Variants in NCOA6 observed in about 807,000 individuals in gnomAD.
NCOA6 encodes the protein nuclear receptor coactivator 6.
A neutral mutation model predicts 171.4 loss-of-function variants in NCOA6; 49 were observed. That is an observed-to-expected ratio of 0.29 (90% CI 0.23 to 0.36). The LOEUF is 0.36. NCOA6 is among the 10% of genes least tolerant of loss of function. The pLI is 1.00. For synonymous variants in NCOA6, 910 were observed against 927.5 expected, an observed-to-expected ratio of 0.98 and a Z score of 0.34; for missense variants, 2,248 against 2,554.5, an observed-to-expected ratio of 0.88 and a Z score of 2.59.
chr20:34,793,133 G>A (rs1384199127), intron 1 of NCOA6, among the ~76,000 whole-genome samples: 2 of 151,986 alleles, frequency 1.3e-5, no homozygotes, highest in African/African-American at 4.8e-5. Context: ...GATTGTAGAA[G>A]CAAAACTCAC....
chr20:34,819,545 G>C lies in NCOA6; in HGVS notation c.-164+5927C>G, dbSNP rs929660203. On this transcript the variant is annotated intron_variant, in intron 1 of 14. Transcript: ENST00000359003. Reference sequence around the variant, plus strand: ...GCGTGAGAAGAGTTCTATCCTAGCAGATAATCTAAGGCAGCCCCTAAAACT... The same window carrying C: ...GCGTGAGAAGAGTTCTATCCTAGCACATAATCTAAGGCAGCCCCTAAAACT... The C allele has an allele frequency of 8.5e-5, 13 of 152,156 alleles. 1 individual carries two copies. The highest frequency in any genetic ancestry group is 2.6e-4 in the Admixed American group (4 of 15,264). 9.4% of individuals were successfully genotyped at this position (152,156 alleles called of 1,614,324 possible).
Position 34,763,391 on chromosome 20 carries a change from G to T in NCOA6, c.515-4458C>A, listed in dbSNP as rs185758231. 5.6e-4 allele frequency among the ~76,000 whole-genome samples: 85 copies of T among 152,180 alleles called. No individual in the cohort carries two copies. The East Asian group carries it at 8.9e-3, about 16-fold the overall frequency. ...TGCTGAATAAGTTATCCACTTTGAT[G>T]ATTTTTAAATTTCTGTAAGTTCTGT... On this transcript the variant is annotated intron_variant, in intron 5 of 14. Coordinates refer to ENST00000359003, the MANE Select transcript of NCOA6 (RefSeq NM_014071.5).
Position 34,740,584 on chromosome 20 carries a change from G to A in NCOA6, c.5672C>T (p.Ser1891Phe), listed in dbSNP as rs147107014. The change falls in exon 11 of 15, where the codon TCT (serine) becomes TTT (phenylalanine). Residue 1891 changes from serine (S) to phenylalanine (F), a missense_variant. Ser to Phe is a radical substitution (Grantham distance 155). Transcript: ENST00000359003. ...PPAPTLLKMT[S>F]SPVGPGTASA... ...GGCAGTGCCCGGGCCCACAGGGCTA[G>A]AGGTCATTTTTAGCAGAGTGGGTGC... is the stretch of plus-strand genomic sequence containing the variant. 1 of 1,614,208 alleles carries A rather than the reference G, an allele frequency of 6.2e-7. No homozygotes were observed. The highest frequency in any genetic ancestry group is 8.5e-7 in the Non-Finnish European group (1 of 1,180,048).
At chr20:34,725,753 T>C (rs1266214396) in intron 14 of NCOA6, among the ~76,000 whole-genome samples, 2 of 152,128 alleles carry the variant, frequency 1.3e-5, no homozygotes, top group Admixed American at 1.3e-4. Context: ...TAGATGGTGG[T>C]GCCATTTATT....
chr20:34,797,825 C>T (rs1321948659), intron 1 of NCOA6, among the ~76,000 whole-genome samples: 1 of 151,946 alleles, frequency 6.6e-6, no homozygotes, highest in Non-Finnish European at 1.5e-5. Context: ...ACCTGGGAGG[C>T]GGCAGCTGCA....
At chr20:34,788,597 G>A (rs2077761393) in intron 2 of NCOA6, among the ~76,000 whole-genome samples, 1 of 152,152 alleles carries the variant, frequency 6.6e-6, no homozygotes, top group Admixed American at 6.5e-5. Context: ...TTCAAGCCCT[G>A]CCTCTGGAGT....
At chr20:34,788,207 T>G (rs1479156485) in intron 2 of NCOA6, among the ~76,000 whole-genome samples, 1 of 148,332 alleles carries the variant, frequency 6.7e-6, no homozygotes, top group Non-Finnish European at 1.5e-5. Flanking sequence ...GGAGTCTAGC[T>G]CTGTCTCGCC....
chr20:34,821,386 T>C (rs2079002890), intron 1 of NCOA6: 3 of 152,310 alleles, frequency 2.0e-5, no homozygotes, highest in Admixed American at 6.5e-5. Flanking sequence ...CTGACATAGA[T>C]AGTTGTGCTT....
chr20:34,765,330 G>A (rs1295797701), intron 5 of NCOA6, among the ~76,000 whole-genome samples: 1 of 151,464 alleles, frequency 6.6e-6, no homozygotes, highest in Non-Finnish European at 1.5e-5. Flanking sequence ...GGTGGCATGG[G>A]AGGCTGAGGC....
rs542844754 is a variant in NCOA6 at position 34,721,260 on chromosome 20, A to C, written c.6149-5895T>G. Among the ~76,000 whole-genome samples, 1,462 of 146,270 alleles carry C rather than the reference A, an allele frequency of 1.0e-2. 123 individuals carry two copies. Among genetic ancestry groups the C allele is most frequent in the Admixed American group, 0.083 (1,198 of 14,378 alleles). Reference sequence around the variant, plus strand: ...ATACAAAAAAAAAAAAAAAAAAAAAAAAAAAAACAACCCGCAAAACCCACA... The same window carrying C: ...ATACAAAAAAAAAAAAAAAAAAAAACAAAAAAACAACCCGCAAAACCCACA... On this transcript the variant is annotated intron_variant, in intron 14 of 14. Transcript: ENST00000359003.
In NCOA6 at chr20:34,751,402, T is replaced by C. The variant is rs998617332; in HGVS notation, c.1676-883A>G. 3.5e-5 allele frequency among the ~76,000 whole-genome samples: 4 copies of C among 113,322 alleles called. 1 individual carries two copies. Among genetic ancestry groups the C allele is most frequent in the Admixed American group, 2.9e-4 (3 of 10,326 alleles). 74.3% of individuals were successfully genotyped at this position (113,322 alleles called of 152,430 possible). ...AAAAAAAAAAAAAAAAAAAAGAATG[T>C]GAAGTGTCCTCTTAGGAAAACCTCA... On this transcript the variant is annotated intron_variant, in intron 8 of 14. Transcript: ENST00000359003.
intron 5 of NCOA6, among the ~76,000 whole-genome samples, chr20:34,763,613 C>G (rs1023928779): frequency 6.6e-6 from 1 of 152,124 alleles, no homozygotes; most frequent in Non-Finnish European, 1.5e-5. Flanking sequence ...TGAGAAAATA[C>G]GCCCCTCCAC....
chr20:34,761,534 G>A (rs1244725589), intron 5 of NCOA6, among the ~76,000 whole-genome samples: 1 of 151,382 alleles, frequency 6.6e-6, no homozygotes, highest in African/African-American at 2.4e-5. Flanking sequence ...CAGAATCTAT[G>A]TGATATTAAT....
At chr20:34,805,789 A>G (rs552351951) in intron 1 of NCOA6, among the ~76,000 whole-genome samples, 1 of 152,140 alleles carries the variant, frequency 6.6e-6, no homozygotes, top group South Asian at 2.1e-4. Context: ...CCCAGGTTCA[A>G]GAGATTCTCC....
chr20:34,808,957 G>C (rs971626153), intron 1 of NCOA6, among the ~76,000 whole-genome samples: 58 of 152,188 alleles, frequency 3.8e-4, no homozygotes, highest in African/African-American at 1.4e-3. Flanking sequence ...AGATGACAGA[G>C]AGAGAGGCAG....
intron 1 of NCOA6, among the ~76,000 whole-genome samples, 177 bp downstream of exon 1, chr20:34,825,295 C>T (rs1298530662): frequency 6.6e-6 from 1 of 150,996 alleles, no homozygotes; most frequent in African/African-American, 2.4e-5. Flanking sequence ...GGGACACAAG[C>T]GCGGCGGGCG....
intron 1 of NCOA6, among the ~76,000 whole-genome samples, chr20:34,815,731 C>T (rs2078813977): frequency 6.6e-6 from 1 of 151,990 alleles, no homozygotes; most frequent in Admixed American, 6.6e-5. Flanking sequence ...AGAGGGCTAA[C>T]AAAACCCTCA....
intron 13 of NCOA6, among the ~76,000 whole-genome samples, chr20:34,728,739 G>T (rs1697986137): frequency 6.6e-6 from 1 of 152,160 alleles, no homozygotes; most frequent in Non-Finnish European, 1.5e-5. Context: ...AACGATAGTA[G>T]ATTAGTTAGC....
chr20:34,799,636 A>G (rs1416570582), intron 1 of NCOA6, among the ~76,000 whole-genome samples: 1 of 152,222 alleles, frequency 6.6e-6, no homozygotes, highest in Admixed American at 6.5e-5. Context: ...TGGAACTCCA[A>G]TACATCTGGC....
Sources: gnomAD v4.1 joint callset for allele counts (sites outside exome capture counted in the v4.1 genomes callset) on GRCh38, gnomAD v4.1.1 for gene constraint, MANE v1.5 for transcripts, NCBI Gene and HGNC (gene_info 2026-07-23, HGNC 2026-07-21) for gene names.